Variants in CATSPERE observed in about 807,000 individuals in gnomAD.
The protein encoded by CATSPERE is catsper channel auxiliary subunit epsilon, also known as cation channel sperm-associated auxiliary subunit epsilon.
CATSPERE carries 93 observed loss-of-function variants against 114.1 expected under a neutral mutation model. That is an observed-to-expected ratio of 0.81 (90% confidence interval 0.69 to 0.97). The LOEUF (loss-of-function observed/expected upper bound fraction) is 0.97, where lower values mean the gene tolerates loss of function less well. Ranked by LOEUF, CATSPERE falls within the 50% of genes least tolerant of loss-of-function variation. The pLI is 0.00. For synonymous variants in CATSPERE, 341 were observed against 384.1 expected (o/e 0.89, Z 1.31); for missense variants, 1,058 against 1,131.6 (o/e 0.93, Z 0.93).
At chr1:244,484,648 G>A (rs1670716071) in intron 5 of CATSPERE, among the ~76,000 whole-genome samples, 2 of 152,110 alleles carry the variant, frequency 1.3e-5, no homozygotes, top group African/African-American at 2.4e-5. Context: ...TCATTTTGGT[G>A]CTTTCTAGTT....
upstream of CATSPERE, among the ~76,000 whole-genome samples, chr1:244,453,882 G>C (rs1665872090): frequency 6.6e-6 from 1 of 152,040 alleles, no homozygotes. Flanking sequence ...TTCGGCTCCT[G>C]GGGGGGTCTC....
intron 6 of CATSPERE, among the ~76,000 whole-genome samples, chr1:244,498,288 G>GAAAATA (rs1673437344): frequency 6.6e-6 from 1 of 152,142 alleles, no homozygotes; most frequent in Non-Finnish European, 1.5e-5. Context: ...TAAAAGGGAT[G>GAAAATA]AAAATAATAT....
intron 20 of CATSPERE, among the ~76,000 whole-genome samples, chr1:244,625,299 T>C (rs6680491): frequency 0.58 from 85,000 of 147,010 alleles, 25,563 homozygotes; most frequent in Middle Eastern, 0.72. Context: ...CACCTCCATC[T>C]GAGCTCTTGG....
chr1:244,572,247 T>G, intron 10 of CATSPERE, 83 bp from the exon 11 acceptor site: 1 of 700,898 alleles, frequency 1.4e-6, no homozygotes. Context: ...ATCAAAGAAA[T>G]TATTTTGGTT....
chr1:244,622,329 A>G (rs1400586397), intron 20 of CATSPERE, among the ~76,000 whole-genome samples: 2 of 151,198 alleles, frequency 1.3e-5, no homozygotes, highest in East Asian at 3.9e-4. Context: ...TTTCTAACCT[A>G]TGTTCACTAT....
chr1:244,635,754 A>G (rs1457568993), intron 21 of CATSPERE, among the ~76,000 whole-genome samples: 1 of 152,220 alleles, frequency 6.6e-6, no homozygotes, highest in Non-Finnish European at 1.5e-5. Context: ...ACTTGTATGA[A>G]GTGTTCACTG....
intron 17 of CATSPERE, among the ~76,000 whole-genome samples, chr1:244,597,548 T>TTTG (rs1668608222): frequency 6.6e-6 from 1 of 151,656 alleles, no homozygotes; most frequent in Non-Finnish European, 1.5e-5. Context: ...TTTTTTTTTT[T>TTTG]TTCATGATCT....
intron 6 of CATSPERE, among the ~76,000 whole-genome samples, chr1:244,490,830 A>G (rs1325581212): frequency 6.6e-6 from 1 of 152,128 alleles, no homozygotes; most frequent in Non-Finnish European, 1.5e-5. Flanking sequence ...TTTGAAAAAT[A>G]GTTATTTTTC....
intron 9 of CATSPERE, among the ~76,000 whole-genome samples, chr1:244,558,900 C>A (rs566616450): frequency 2.0e-5 from 3 of 152,310 alleles, no homozygotes; most frequent in South Asian, 2.1e-4. Context: ...TCCCTTACCC[C>A]ACTCCTAGTC....
rs1377444516 is a variant in CATSPERE, at chr1:244,465,270, G to A, written c.114+1314G>A. Among the ~76,000 whole-genome samples the A allele has an allele frequency of 8.0e-4, 121 of 152,140 alleles. 1 individual carries two copies. Among genetic ancestry groups the A allele is most frequent in the East Asian group, 1.9e-4 (1 of 5,184 alleles). Reference sequence around the variant, plus strand: ...AGGCTGGTCTTGAACTCCTGACCTCGTGATCCACCAGCCTCGGCCTCCCAA... The same window carrying A: ...AGGCTGGTCTTGAACTCCTGACCTCATGATCCACCAGCCTCGGCCTCCCAA... On this transcript the variant is annotated intron_variant, in intron 2 of 21. Coordinates refer to ENST00000366534, the MANE Select transcript of CATSPERE (RefSeq NM_001130957.2).
At chr1:244,461,158 A>G (rs935339329), upstream of CATSPERE, among the ~76,000 whole-genome samples, 1 of 150,294 alleles carries the variant, frequency 6.7e-6, no homozygotes, top group African/African-American at 2.5e-5. Flanking sequence ...TGTTTTTGCT[A>G]TCTCACTGCT....
chr1:244,597,534 C>CTTTTTTTTT (rs34454607), intron 17 of CATSPERE, among the ~76,000 whole-genome samples: 6 of 128,126 alleles, frequency 4.7e-5, no homozygotes, highest in Non-Finnish European at 9.5e-5. Context: ...TCCCTGATTT[C>CTTTTTTTTT]TTTTTTTTTT....
At chr1:244,464,022 C>A in intron 2 of CATSPERE, 66 bp downstream of exon 2, 2 of 1,121,776 alleles carry the variant, frequency 1.8e-6, no homozygotes, top group Non-Finnish European at 2.7e-6. Context: ...GAGCAGAGAG[C>A]AGAGTTAATC....
intron 14 of CATSPERE, among the ~76,000 whole-genome samples, chr1:244,590,904 G>C (rs899885684): frequency 5.3e-5 from 8 of 152,116 alleles, no homozygotes; most frequent in Non-Finnish European, 1.2e-4. Flanking sequence ...GAATATTTGT[G>C]TACAAGTGTT....
chr1:244,476,228 C>A (rs2148140997), intron 2 of CATSPERE, among the ~76,000 whole-genome samples: 1 of 152,084 alleles, frequency 6.6e-6, no homozygotes, highest in South Asian at 2.1e-4. Context: ...CTGCTTGAGG[C>A]CATGAGTTTG....
intron 9 of CATSPERE, among the ~76,000 whole-genome samples, chr1:244,556,179 C>T (rs1489911178): frequency 6.6e-6 from 1 of 151,970 alleles, no homozygotes; most frequent in Non-Finnish European, 1.5e-5. Flanking sequence ...GCTTGGGTGA[C>T]AGAATGAGAC....
In CATSPERE at chr1:244,593,326, CAA is replaced by C. The variant is rs373549516; in HGVS notation, c.2190-67_2190-66del. 136 of 1,535,796 alleles carry C rather than the reference CAA, an allele frequency of 8.9e-5. 1 individual carries two copies. In the South Asian group the frequency reaches 1.2e-3, roughly 13 times the overall value. Reference sequence around the variant, plus strand: ...CCTTTGTGATACCTCCTTACCTAAACAAAGTCATGGGTTTAGTTTTAAGTTTG... The same window carrying C: ...CCTTTGTGATACCTCCTTACCTAAACAGTCATGGGTTTAGTTTTAAGTTTG... On this transcript the variant is annotated intron_variant, in intron 15 of 21. Coordinates refer to ENST00000366534, the MANE Select transcript of CATSPERE (RefSeq NM_001130957.2).
At chr1:244,553,630 C>CACATATATACAT (rs1229074703) in intron 9 of CATSPERE, among the ~76,000 whole-genome samples, 2 of 146,398 alleles carry the variant, frequency 1.4e-5, no homozygotes, top group African/African-American at 2.6e-5. Context: ...CACACACACA[C>CACATATATACAT]ACACACACAC....
At chr1:244,629,597 G>A (rs898488077) in intron 20 of CATSPERE, among the ~76,000 whole-genome samples, 2 of 134,804 alleles carry the variant, frequency 1.5e-5, no homozygotes, top group Non-Finnish European at 3.1e-5. Context: ...TCCTCCCAAA[G>A]TGCTGGGATT....
Sources: allele counts gnomAD v4.1 joint callset (sites outside exome capture counted in the v4.1 genomes callset), GRCh38; gene constraint gnomAD v4.1.1; transcripts MANE v1.5; gene names NCBI Gene and HGNC (gene_info 2026-07-23, HGNC 2026-07-21).